The following IDO2 variants were observed in gnomAD, a reference collection of about 807,000 sequenced individuals.
The protein encoded by IDO2 is indoleamine 2,3-dioxygenase-like 1 protein.
A neutral mutation model predicts 45.1 loss-of-function variants in IDO2; 46 were observed. The observed-to-expected ratio is 1.02, with a 90% CI of 0.80 to 1.30. The LOEUF is 1.30. IDO2 is among the 50% of genes most tolerant of loss of function. The pLI is 0.00. For missense variants in IDO2, 544 were observed against 491.8 expected (o/e 1.11, Z -1.00); for synonymous variants, 218 against 184.9 (o/e 1.18, Z -1.45).
At chr8:39,978,266 G>A (rs1398307517) in intron 3 of IDO2, among the ~76,000 whole-genome samples, 2 of 152,152 alleles carry the variant, frequency 1.3e-5, no homozygotes, top group Non-Finnish European at 2.9e-5. Context: ...CTCCTTTCTG[G>A]CGCTTCGGAC....
chr8:39,978,609 A>G (rs7002522), intron 3 of IDO2, among the ~76,000 whole-genome samples: 79,843 of 151,850 alleles, frequency 0.53, 21,976 homozygotes, highest in Middle Eastern at 0.61. Context: ...CTCCTGTTTG[A>G]TAGAGAGAGG....
At chr8:39,973,215 G>A (rs1808207653) in intron 3 of IDO2, among the ~76,000 whole-genome samples, 1 of 152,110 alleles carries the variant, frequency 6.6e-6, no homozygotes, top group Non-Finnish European at 1.5e-5. Flanking sequence ...ACATCAGTAT[G>A]AAGTCATGTT....
chr8:39,993,065 A>G (rs1176936094), intron 8 of IDO2, among the ~76,000 whole-genome samples: 1 of 152,016 alleles, frequency 6.6e-6, no homozygotes, highest in South Asian at 2.1e-4. Context: ...AACCATATCT[A>G]TGTCAGTCTG....
At chr8:39,985,404 GGACATGT>G (rs1419254267) in intron 5 of IDO2, 97 bp from the exon 6 acceptor site, 8 of 976,116 alleles carry the variant, frequency 8.2e-6, no homozygotes, top group Non-Finnish European at 9.4e-6. Flanking sequence ...GCATGCCTGT[GGACATGT>G]GACCCTAGAA....
At chr8:39,954,649 CTTTTTT>C (rs542016899) in intron 2 of IDO2, among the ~76,000 whole-genome samples, 8 of 84,730 alleles carry the variant, frequency 9.4e-5, no homozygotes, top group East Asian at 3.8e-4. Flanking sequence ...GTCTCTCTCT[CTTTTTT>C]TTTTTTTTTT....
intron 8 of IDO2, among the ~76,000 whole-genome samples, chr8:39,991,931 G>C (rs988829651): frequency 1.2e-4 from 19 of 152,330 alleles, no homozygotes; most frequent in African/African-American, 3.8e-4. Flanking sequence ...TTCTGCAGGA[G>C]GTCTCATCGT....
intron 1 of IDO2, among the ~76,000 whole-genome samples, chr8:39,942,306 T>A (rs1051487598): frequency 2.0e-5 from 3 of 152,164 alleles, no homozygotes; most frequent in African/African-American, 7.2e-5. Context: ...AGCTAATAGA[T>A]GATAGAACAC....
intron 9 of IDO2, among the ~76,000 whole-genome samples, chr8:40,008,128 C>A (rs553057855): frequency 6.6e-6 from 1 of 150,764 alleles, no homozygotes; most frequent in South Asian, 2.1e-4. Context: ...CTCACCACAA[C>A]CTCCATCTCC....
chr8:39,993,266 C>A (rs1423299650), intron 8 of IDO2, among the ~76,000 whole-genome samples: 1 of 151,808 alleles, frequency 6.6e-6, no homozygotes, highest in African/African-American at 2.4e-5. Flanking sequence ...TTACTGATCG[C>A]CCCTGTTCTC....
chr8:39,953,313 T>A (rs1430348102), intron 2 of IDO2, among the ~76,000 whole-genome samples: 2 of 152,238 alleles, frequency 1.3e-5, no homozygotes, highest in Admixed American at 1.3e-4. Context: ...TTTCCGGCTA[T>A]ATAGCAAAAG....
At chr8:39,958,138 C>G (rs1394235227) in intron 2 of IDO2, among the ~76,000 whole-genome samples, 1 of 152,052 alleles carries the variant, frequency 6.6e-6, no homozygotes, top group Non-Finnish European at 1.5e-5. Context: ...ATCTCCTGAC[C>G]TCGTGATCTG....
In IDO2 at chr8:39,963,838, T is replaced by C. The variant is rs75800427; in HGVS notation, c.195+135T>C. Reference sequence around the variant, plus strand: ...TTGAACTTATCAGCAAAGCTATATCTTCCTTCCTGAAAAACAGAATGACCC... The same window carrying C: ...TTGAACTTATCAGCAAAGCTATATCCTCCTTCCTGAAAAACAGAATGACCC... On this transcript the variant is annotated intron_variant, in intron 3 of 10. Transcript: ENST00000502986. The C allele has an allele frequency of 7.1e-4, 399 of 565,150 alleles. 1 individual carries two copies. Among genetic ancestry groups the C allele is most frequent in the Non-Finnish European group, 9.7e-4 (311 of 320,280 alleles). The allele number at this position is 565,150 out of a possible 1,614,324, so 35.0% of individuals were successfully genotyped here.
intron 8 of IDO2, among the ~76,000 whole-genome samples, chr8:40,004,510 G>T (rs1344425101): frequency 6.9e-6 from 1 of 144,152 alleles, no homozygotes; most frequent in Non-Finnish European, 1.5e-5. Context: ...GATGTAGACA[G>T]ATTAGACAGA....
intron 8 of IDO2, among the ~76,000 whole-genome samples, chr8:39,995,972 T>TTTA (rs1242951593): frequency 6.6e-6 from 1 of 152,144 alleles, no homozygotes; most frequent in Non-Finnish European, 1.5e-5. Context: ...AAATATACTT[T>TTTA]TTATTTTTGT....
chr8:39,973,577 T>C (rs1394828189), intron 3 of IDO2, among the ~76,000 whole-genome samples: 2 of 152,084 alleles, frequency 1.3e-5, no homozygotes, highest in Non-Finnish European at 2.9e-5. Flanking sequence ...TTATAAAATA[T>C]TATAATAGCA....
chr8:39,974,993 C>G (rs1462387200), intron 3 of IDO2, among the ~76,000 whole-genome samples: 1 of 151,976 alleles, frequency 6.6e-6, no homozygotes, highest in Admixed American at 6.6e-5. Flanking sequence ...CCTGTAATCT[C>G]AGCTACTTGG....
chr8:39,937,164 A>G (rs377413607), intron 1 of IDO2, among the ~76,000 whole-genome samples: 2 of 152,204 alleles, frequency 1.3e-5, no homozygotes, highest in East Asian at 3.9e-4. Context: ...TTTGTGAAAA[A>G]TGTCGTTTGA....
intron 3 of IDO2, among the ~76,000 whole-genome samples, chr8:39,964,829 T>A (rs932704118): frequency 1.3e-5 from 2 of 152,214 alleles, no homozygotes; most frequent in African/African-American, 4.8e-5. Context: ...ATTTAAAGGA[T>A]TTTTTTGAAC....
Position 39,961,027 on chromosome 8 carries a change from C to A in IDO2, c.100-2581C>A, listed in dbSNP as rs148842617. ...CTTGATCTCCTGACCTCGTGATCTG[C>A]CTGCATTGGCCTCCCAAAGAGTTGG... On this transcript the variant is annotated intron_variant, in intron 2 of 10. Coordinates refer to ENST00000502986, the Ensembl canonical transcript of IDO2. Among the ~76,000 whole-genome samples the A allele has an allele frequency of 5.5e-3, 835 of 152,310 alleles. 7 individuals carry two copies. Among genetic ancestry groups the A allele is most frequent in the African/African-American group, 0.019 (771 of 41,568 alleles).
Sources: gnomAD v4.1 joint callset for allele counts (sites outside exome capture counted in the v4.1 genomes callset) on GRCh38, gnomAD v4.1.1 for gene constraint, MANE v1.5 for transcripts, NCBI Gene and HGNC (gene_info 2026-07-23, HGNC 2026-07-21) for gene names.